Variants in GRIK3 observed in about 807,000 individuals in gnomAD.
GRIK3 encodes the protein glutamate ionotropic receptor kainate type subunit 3, also known as glutamate receptor ionotropic, kainate 3.
A neutral mutation model predicts 102.5 loss-of-function variants in GRIK3; 29 were observed. The ratio of observed to expected loss-of-function variants is 0.28; its 90% CI spans 0.21 to 0.39. The LOEUF (loss-of-function observed/expected upper bound fraction) is 0.39, where lower values mean the gene tolerates loss of function less well. Ranked by LOEUF, GRIK3 falls within the 10% of genes least tolerant of loss-of-function variation. The pLI is 1.00. For missense variants in GRIK3, 908 were observed against 1,252.4 expected (o/e 0.73, Z 4.15); for synonymous variants, 511 against 504.9 (o/e 1.01, Z -0.16).
intron 1 of GRIK3, among the ~76,000 whole-genome samples, chr1:36,893,494 T>C (rs957886475): frequency 2.7e-4 from 41 of 152,304 alleles, no homozygotes; most frequent in African/African-American, 9.9e-4. Context: ...TGAGATACCA[T>C]TTTTTGCCTA....
chr1:36,982,908 G>A (rs1421085037), intron 1 of GRIK3, among the ~76,000 whole-genome samples: 2 of 152,198 alleles, frequency 1.3e-5, no homozygotes, highest in East Asian at 3.8e-4. Context: ...AGCTCTCAGA[G>A]GGCCGCTGAC....
intron 1 of GRIK3, among the ~76,000 whole-genome samples, chr1:36,911,495 C>T (rs1641344736): frequency 6.6e-6 from 1 of 152,034 alleles, no homozygotes; most frequent in Non-Finnish European, 1.5e-5. Flanking sequence ...GGCTGGAGGG[C>T]CTTCAACGGA....
chr1:36,881,370 G>A (rs112299738), intron 2 of GRIK3, among the ~76,000 whole-genome samples: 17 of 152,204 alleles, frequency 1.1e-4, no homozygotes, highest in African/African-American at 4.1e-4. Flanking sequence ...TTGGATATCT[G>A]ACATGCATAT....
intron 1 of GRIK3, among the ~76,000 whole-genome samples, chr1:36,970,918 C>G (rs909108889): frequency 1.3e-5 from 2 of 152,198 alleles, no homozygotes; most frequent in Non-Finnish European, 2.9e-5. Flanking sequence ...CAGTCCTGGA[C>G]CATTGGGCCA....
intron 7 of GRIK3, among the ~76,000 whole-genome samples, chr1:36,857,142 G>C (rs932216145): frequency 2.0e-5 from 3 of 152,166 alleles, no homozygotes; most frequent in Non-Finnish European, 4.4e-5. Flanking sequence ...GTTAAAAAGT[G>C]GTGAAGCTTC....
chr1:36,957,124 T>C (rs1329940057), intron 1 of GRIK3, among the ~76,000 whole-genome samples: 1 of 152,262 alleles, frequency 6.6e-6, no homozygotes, highest in Non-Finnish European at 1.5e-5. Context: ...GGCTGAGTCC[T>C]GAACCCTCAT....
intron 1 of GRIK3, among the ~76,000 whole-genome samples, chr1:36,988,519 G>A (rs974590758): frequency 1.3e-5 from 2 of 152,226 alleles, no homozygotes; most frequent in African/African-American, 2.4e-5. Context: ...GATGGGCAGC[G>A]ACCTGAGAGC....
At chr1:36,933,305 T>C (rs1377545917) in intron 1 of GRIK3, among the ~76,000 whole-genome samples, 1 of 152,168 alleles carries the variant, frequency 6.6e-6, no homozygotes, top group African/African-American at 2.4e-5. Flanking sequence ...TCACACGCAT[T>C]ACAGCAAAGT....
At chr1:36,975,944 C>T (rs1189191572) in intron 1 of GRIK3, among the ~76,000 whole-genome samples, 1 of 152,144 alleles carries the variant, frequency 6.6e-6, no homozygotes, top group Non-Finnish European at 1.5e-5. Context: ...ACATGAAATT[C>T]GAATGAGCAG....
At chr1:36,958,238 A>G (rs1183800739) in intron 1 of GRIK3, among the ~76,000 whole-genome samples, 1 of 98,778 alleles carries the variant, frequency 1.0e-5, no homozygotes, top group African/African-American at 4.5e-5. Context: ...GTGCCCCGTG[A>G]GCCTGTGTGT....
chr1:36,817,949 G>A (rs1433922302), intron 12 of GRIK3, among the ~76,000 whole-genome samples: 1 of 152,172 alleles, frequency 6.6e-6, no homozygotes, highest in African/African-American at 2.4e-5. Flanking sequence ...GCTCTTTGCC[G>A]AAATATATGA....
intron 1 of GRIK3, among the ~76,000 whole-genome samples, chr1:36,895,774 G>A (rs527778375): frequency 1.3e-5 from 2 of 152,030 alleles, no homozygotes; most frequent in South Asian, 4.2e-4. Flanking sequence ...GATCCTTAGA[G>A]CACACCAAGC....
chr1:36,833,842 T>G (rs528320897), intron 10 of GRIK3, among the ~76,000 whole-genome samples: 2 of 152,288 alleles, frequency 1.3e-5, no homozygotes, highest in South Asian at 4.1e-4. Context: ...CATCACCAGT[T>G]TCTGCTGCAT....
At chr1:36,986,416 GTCCATCCATCCATCCA>G (rs34375905) in intron 1 of GRIK3, among the ~76,000 whole-genome samples, 15 of 130,678 alleles carry the variant, frequency 1.1e-4, no homozygotes, top group African/African-American at 1.2e-4. Context: ...CCATCTCTCT[GTCCATCCATCCATCCA>G]TCCATCCATC....
intron 1 of GRIK3, among the ~76,000 whole-genome samples, chr1:36,932,378 G>A (rs1413355335): frequency 6.6e-6 from 1 of 152,176 alleles, no homozygotes; most frequent in Non-Finnish European, 1.5e-5. Context: ...CTCTGGCCCC[G>A]TGGGACTTGG....
At chr1:36,949,181 G>A (rs1334784332) in intron 1 of GRIK3, among the ~76,000 whole-genome samples, 1 of 152,208 alleles carries the variant, frequency 6.6e-6, no homozygotes, top group Non-Finnish European at 1.5e-5. Context: ...TTGGGCCCTG[G>A]CCCCAGACAC....
chr1:36,802,185 C>A, intron 15 of GRIK3, 140 bp from the exon 16 acceptor site: 1 of 594,904 alleles, frequency 1.7e-6, no homozygotes, highest in Non-Finnish European at 3.0e-6. Context: ...CCCACCCATC[C>A]CTCTGCCACC....
intron 1 of GRIK3, among the ~76,000 whole-genome samples, chr1:36,908,492 T>C (rs1360447434): frequency 1.3e-5 from 2 of 152,216 alleles, no homozygotes; most frequent in Non-Finnish European, 2.9e-5. Context: ...CAAGAAGGGC[T>C]GCTTTGGGTC....
chr1:36,934,057 G>T (rs1641626568), intron 1 of GRIK3, among the ~76,000 whole-genome samples: 2 of 152,216 alleles, frequency 1.3e-5, no homozygotes, highest in South Asian at 4.1e-4. Flanking sequence ...GTCACAAGGG[G>T]CTGCCCTCTA....
Sources: gnomAD v4.1 joint callset for allele counts (sites outside exome capture counted in the v4.1 genomes callset) on GRCh38, gnomAD v4.1.1 for gene constraint, MANE v1.5 for transcripts, NCBI Gene and HGNC (gene_info 2026-07-23, HGNC 2026-07-21) for gene names.